MREG: variants seen among roughly 807,000 people sequenced by gnomAD.
MREG encodes the protein melanoregulin.
A neutral mutation model predicts 28.5 loss-of-function variants in MREG; 31 were observed. That is an observed-to-expected ratio of 1.09 (90% confidence interval 0.82 to 1.47). The LOEUF is 1.47. MREG is among the 40% of genes most tolerant of loss of function. MREG has a pLI of 0.00. For missense variants in MREG, 256 were observed against 257.4 expected (o/e 0.99, Z 0.04); for synonymous variants, 106 against 95.2 (o/e 1.11, Z -0.66).
chr2:216,023,089 C>A (rs1163349792), intron 1 of MREG, among the ~76,000 whole-genome samples: 1 of 152,168 alleles, frequency 6.6e-6, no homozygotes, highest in South Asian at 2.1e-4. Context: ...AGAGATACAT[C>A]GACAGGCCAG....
Position 216,031,493 on chromosome 2 carries a change from G to GAAAGAGAA in MREG, c.-68+1295_-68+1296insTTCTCTTT, listed in dbSNP as rs1553558728. On this transcript the variant is annotated intron_variant, in intron 1 of 3. Coordinates refer to the MREG transcript ENST00000420348. ...AAAGAAAGAGAAAGAAAGAAAGAAA[G>GAAAGAGAA]AGAAAGAAAGAGAGAAAGGAAGGAA... Among the ~76,000 whole-genome samples the GAAAGAGAA allele has an allele frequency of 2.4e-4, 30 of 124,884 alleles. 1 individual carries two copies. The highest frequency in any genetic ancestry group is 1.3e-4 in the Non-Finnish European group (8 of 59,828). 81.9% of individuals were successfully genotyped at this position (124,884 alleles called of 152,430 possible).
chr2:215,965,135 G>A (rs544707213), intron 2 of MREG, among the ~76,000 whole-genome samples: 2 of 152,176 alleles, frequency 1.3e-5, no homozygotes, highest in East Asian at 3.8e-4. Flanking sequence ...GTCTAGGTCT[G>A]AGTATGACTA....
intron 1 of MREG, among the ~76,000 whole-genome samples, chr2:216,031,673 AAGAAAGAAAGAAAGAAAG>A (rs761164621): frequency 0.023 from 2,790 of 121,262 alleles, 108 homozygotes; most frequent in African/African-American, 0.092. Flanking sequence ...GAAAGAAAGA[AAGAAAGAAAGAAAGAAAG>A]AGAAAGAAAG....
At chr2:215,980,895 CAGGGCAGGGA>C (rs1333113079) in intron 2 of MREG, among the ~76,000 whole-genome samples, 4 of 137,296 alleles carry the variant, frequency 2.9e-5, no homozygotes, top group African/African-American at 8.2e-5. Flanking sequence ...CAGGACAGGG[CAGGGCAGGGA>C]AGGGCAGGGA....
At chr2:215,970,978 C>A (rs1464484953) in intron 2 of MREG, among the ~76,000 whole-genome samples, 1 of 152,094 alleles carries the variant, frequency 6.6e-6, no homozygotes, top group East Asian at 1.9e-4. Context: ...TCATCCATGT[C>A]CTTAGTAGGG....
At chr2:216,018,948 C>T (rs1381457186) in intron 1 of MREG, among the ~76,000 whole-genome samples, 1 of 152,214 alleles carries the variant, frequency 6.6e-6, no homozygotes, top group Non-Finnish European at 1.5e-5. Flanking sequence ...CAATCAAACA[C>T]TCTTTCTATA....
intron 2 of MREG, among the ~76,000 whole-genome samples, chr2:215,963,031 GGTA>G (rs1252110573): frequency 6.6e-6 from 1 of 152,184 alleles, no homozygotes; most frequent in Non-Finnish European, 1.5e-5. Context: ...AGGTGGCTGA[GGTA>G]GGAGGATTGC....
In MREG at chr2:215,964,840, C is replaced by CAGATAGAT. The variant is rs71935773; in HGVS notation, c.256-17735_256-17728dup. On this transcript the variant is annotated intron_variant, in intron 2 of 4. Transcript: ENST00000263268. Reference sequence around the variant, plus strand: ...AGTTCTAAGAATCTAGACAGACAGACAGATAGATAGATAGATAGATAGATA... The same window carrying CAGATAGAT: ...AGTTCTAAGAATCTAGACAGACAGACAGATAGATAGATAGATAGATAGATAGATAGATA... 9.5e-3 allele frequency among the ~76,000 whole-genome samples: 1,424 copies of CAGATAGAT among 149,734 alleles called. 11 individuals are homozygous for CAGATAGAT. Among genetic ancestry groups the CAGATAGAT allele is most frequent in the East Asian group, 0.013 (67 of 5,068 alleles).
downstream of MREG, among the ~76,000 whole-genome samples, chr2:215,941,874 C>T (rs1692201640): frequency 6.6e-6 from 1 of 152,192 alleles, no homozygotes; most frequent in South Asian, 2.1e-4. Flanking sequence ...ATCCATTTGT[C>T]TTCTGATAGT....
At chr2:215,951,034 G>A (rs576590999) in intron 2 of MREG, among the ~76,000 whole-genome samples, 1 of 151,682 alleles carries the variant, frequency 6.6e-6, no homozygotes, top group Non-Finnish European at 1.5e-5. Context: ...TCTCTCTCCT[G>A]CCACCGTGTG....
At chr2:215,994,173 C>T (rs1386346068) in intron 2 of MREG, among the ~76,000 whole-genome samples, 3 of 151,980 alleles carry the variant, frequency 2.0e-5, no homozygotes, top group Non-Finnish European at 2.9e-5. Context: ...AAATGCCCAT[C>T]AATGATAGAC....
At chr2:216,015,952 T>G (rs777554462), upstream of MREG, among the ~76,000 whole-genome samples, 7 of 152,028 alleles carry the variant, frequency 4.6e-5, no homozygotes, top group Non-Finnish European at 8.8e-5. Context: ...TCATGGGCGG[T>G]GTATTATTTT....
chr2:215,950,376 C>T (rs755430129), intron 2 of MREG, among the ~76,000 whole-genome samples: 25 of 152,136 alleles, frequency 1.6e-4, no homozygotes, highest in South Asian at 4.1e-4. Context: ...GAATGTTATA[C>T]GAATTCATTC....
intron 1 of MREG, among the ~76,000 whole-genome samples, chr2:216,022,680 G>A (rs974413438): frequency 1.3e-5 from 2 of 152,120 alleles, no homozygotes; most frequent in Admixed American, 1.3e-4. Context: ...CGGAAGACAA[G>A]CCCCCTACTA....
upstream of MREG, among the ~76,000 whole-genome samples, chr2:216,033,115 G>A (rs1490690165): frequency 1.3e-5 from 2 of 152,160 alleles, no homozygotes; most frequent in East Asian, 3.8e-4. Flanking sequence ...GAGACTAGTA[G>A]AATTAACCAT....
chr2:215,942,166 T>A (rs916648562), downstream of MREG, among the ~76,000 whole-genome samples: 1 of 152,158 alleles, frequency 6.6e-6, no homozygotes, highest in African/African-American at 2.4e-5. Flanking sequence ...TGGTGCATTT[T>A]AAAATAAATA....
At chr2:216,028,688 CTAGA>C (rs1330998141) in intron 1 of MREG, among the ~76,000 whole-genome samples, 2 of 151,932 alleles carry the variant, frequency 1.3e-5, no homozygotes, top group African/African-American at 2.4e-5. Context: ...TCACTGTACT[CTAGA>C]TATTTTCTCA....
intron 2 of MREG, among the ~76,000 whole-genome samples, chr2:215,958,221 C>T (rs1026565942): frequency 3.3e-5 from 5 of 150,520 alleles, no homozygotes; most frequent in South Asian, 2.1e-4. Context: ...CAAACCTGCA[C>T]GTTGTGCACA....
intron 2 of MREG, among the ~76,000 whole-genome samples, chr2:215,960,743 A>G (rs1692760485): frequency 6.6e-6 from 1 of 152,126 alleles, no homozygotes; most frequent in Non-Finnish European, 1.5e-5. Context: ...CTGAGGCAGG[A>G]GAATGGCGTG....
Sources: allele counts gnomAD v4.1 joint callset (sites outside exome capture counted in the v4.1 genomes callset), GRCh38; gene constraint gnomAD v4.1.1; transcripts MANE v1.5; gene names NCBI Gene and HGNC (gene_info 2026-07-23, HGNC 2026-07-21).